Variants in TMCO1 observed in about 807,000 individuals in gnomAD.
TMCO1 encodes calcium load-activated calcium channel.
In TMCO1, 29 loss-of-function variants were observed where a neutral mutation model predicts 29.3. The observed-to-expected ratio is 0.99, with a 90% CI of 0.74 to 1.35. The LOEUF is 1.35. Ranked by LOEUF, TMCO1 falls within the 40% of genes most tolerant of loss-of-function variation. The probability of loss-of-function intolerance (pLI) is 0.00; values close to 1 mark genes in which losing one functional copy is unlikely to be tolerated. For synonymous variants in TMCO1, 80 were observed against 77.1 expected, an observed-to-expected ratio of 1.04 and a Z score of -0.20; for missense variants, 173 against 225.5, an observed-to-expected ratio of 0.77 and a Z score of 1.49.
At chr1:165,764,846 G>C (rs988618475) in intron 2 of TMCO1, among the ~76,000 whole-genome samples, 1 of 152,212 alleles carries the variant, frequency 6.6e-6, no homozygotes, top group Non-Finnish European at 1.5e-5. Flanking sequence ...GGGCAAATTT[G>C]AGTGGCTGCA....
At chr1:165,758,949 T>G (rs1652298862) in intron 3 of TMCO1, among the ~76,000 whole-genome samples, 1 of 152,226 alleles carries the variant, frequency 6.6e-6, no homozygotes. Flanking sequence ...ATTTTTTTCC[T>G]AATTTCAGAA....
chr1:165,728,117 A>C lies in TMCO1; in HGVS notation c.473T>G (p.Ile158Ser). The change falls in exon 7 of 7, where the codon ATT becomes AGT. Residue 158 changes from isoleucine (I) to serine (S), a missense_variant. Physicochemically the swap from Ile to Ser is moderately radical, Grantham distance 142 (BLOSUM62 -2). Coordinates refer to ENST00000367881, the MANE Select transcript of TMCO1 (RefSeq NM_019026.6). ...ILCTMSIRQNIQKILGLAPSR... is the reference protein window; with the variant it reads ...ILCTMSIRQNSQKILGLAPSR... ...AGGGGCAAGGCCGAGAATCTTCTGAATGTTCTGTGAAGAAAGCACAGTAAG... is the reference window on the plus strand; with the variant it reads ...AGGGGCAAGGCCGAGAATCTTCTGACTGTTCTGTGAAGAAAGCACAGTAAG... 6.2e-7 allele frequency: 1 copy of C among 1,606,936 alleles called. No individual in the cohort carries two copies. Among genetic ancestry groups the C allele is most frequent in the Non-Finnish European group, 8.5e-7 (1 of 1,175,452 alleles).
At chr1:165,743,374 AAAG>A in intron 5 of TMCO1, 63 bp from the exon 6 acceptor site, 1 of 1,550,760 alleles carries the variant, frequency 6.4e-7, no homozygotes, top group Non-Finnish European at 8.8e-7. Flanking sequence ...TCTTACTTCC[AAAG>A]AAGAATCTGG....
chr1:165,746,654 C>A (rs947558128), intron 5 of TMCO1, among the ~76,000 whole-genome samples: 1 of 152,114 alleles, frequency 6.6e-6, no homozygotes, highest in African/African-American at 2.4e-5. Flanking sequence ...TTGAAAACCT[C>A]CATTCTTTAA....
intron 6 of TMCO1, among the ~76,000 whole-genome samples, chr1:165,731,119 T>C (rs572993623): frequency 6.6e-6 from 1 of 152,194 alleles, no homozygotes; most frequent in South Asian, 2.1e-4. Flanking sequence ...CAGGATGGTC[T>C]CGATCTCTTG....
chr1:165,766,784 T>TAAAAAATA (rs1553251712), intron 2 of TMCO1, among the ~76,000 whole-genome samples: 29 of 150,302 alleles, frequency 1.9e-4, no homozygotes, highest in Admixed American at 1.6e-3. Context: ...AAATAAAAAA[T>TAAAAAATA]AAAAAAAGGA....
At chr1:165,736,290 C>T (rs1651379159) in intron 6 of TMCO1, among the ~76,000 whole-genome samples, 1 of 152,188 alleles carries the variant, frequency 6.6e-6, no homozygotes, top group African/African-American at 2.4e-5. Flanking sequence ...GGTTAACTGC[C>T]TGCCTATACA....
At chr1:165,736,152 A>G (rs1651369759) in intron 6 of TMCO1, among the ~76,000 whole-genome samples, 1 of 152,222 alleles carries the variant, frequency 6.6e-6, no homozygotes. Context: ...CAGGCAGGAA[A>G]CAGGACCTCA....
At chr1:165,754,195 G>A in intron 4 of TMCO1, 33 bp downstream of exon 4, 1 of 1,569,112 alleles carries the variant, frequency 6.4e-7, no homozygotes, top group Non-Finnish European at 8.8e-7. Context: ...AATATTATGT[G>A]GTTAACCATG....
At position 165,727,893 on chromosome 1, in the gene TMCO1, G is replaced by T; in HGVS notation, c.*130C>A. On this transcript the variant is annotated 3_prime_UTR_variant, in exon 7 of 7. Transcript: ENST00000367881. ...TTTTCACTCTAATCATACCCAAAAG[G>T]CTTAGAAATAATTCAAAACTAGAAA... 1.5e-6 allele frequency: 1 copy of T among 665,788 alleles called. No homozygotes were observed. The highest frequency in any genetic ancestry group is 2.6e-6 in the Non-Finnish European group (1 of 377,450). 41.2% of individuals were successfully genotyped at this position (665,788 alleles called of 1,614,324 possible).
At chr1:165,740,516 G>A (rs1571215883) in intron 6 of TMCO1, among the ~76,000 whole-genome samples, 1 of 152,056 alleles carries the variant, frequency 6.6e-6, no homozygotes, top group African/African-American at 2.4e-5. Flanking sequence ...ATCATATTGT[G>A]TTTTATTAAG....
At position 165,727,978 on chromosome 1, in the gene TMCO1, T is replaced by C. The variant is rs1299717547; in HGVS notation, c.*45A>G. ...CTACAAAACAGTTGCCAGTCTGATGTGTGTGTGTCTAGAAAGAATGATAGA... is the reference window on the plus strand; with the variant it reads ...CTACAAAACAGTTGCCAGTCTGATGCGTGTGTGTCTAGAAAGAATGATAGA... On this transcript the variant is annotated 3_prime_UTR_variant, in exon 7 of 7. Transcript: ENST00000367881. 7.7e-6 allele frequency: 11 copies of C among 1,431,426 alleles called. No individual in the cohort carries two copies. In the East Asian group the frequency reaches 2.7e-4, roughly 35 times the overall value. 88.7% of individuals were successfully genotyped at this position (1,431,426 alleles called of 1,614,324 possible).
chr1:165,768,381 C>A, intron 1 of TMCO1, 112 bp from the exon 2 acceptor site: 1 of 1,485,426 alleles, frequency 6.7e-7, no homozygotes, highest in Non-Finnish European at 9.2e-7. Flanking sequence ...TGTATTTACC[C>A]ATAGTTAACT....
At chr1:165,726,236 CCATT>C, downstream of TMCO1, 3 of 699,660 alleles carry the variant, frequency 4.3e-6, no homozygotes, top group Non-Finnish European at 7.8e-6. Context: ...TCATTACCAT[CCATT>C]ATCAGACATC....
At chr1:165,724,978 TTCTCTCTTTCTCTCTC>T (rs1376734115), downstream of TMCO1, 50 of 409,752 alleles carry the variant, frequency 1.2e-4, no homozygotes, top group African/African-American at 3.0e-4. Flanking sequence ...GTGTTCTTTA[TTCTCTCTTTCTCTCTC>T]TCTCTCTCTC....
chr1:165,724,879 T>C, downstream of TMCO1: 2 of 453,670 alleles, frequency 4.4e-6, no homozygotes, highest in South Asian at 3.1e-5. Flanking sequence ...TTCAAAATAA[T>C]ACAGAAAGGG....
chr1:165,751,833 C>T (rs1652002988), intron 5 of TMCO1, among the ~76,000 whole-genome samples: 1 of 151,622 alleles, frequency 6.6e-6, no homozygotes, highest in Non-Finnish European at 1.5e-5. Flanking sequence ...CAGCCTACAA[C>T]ATACTCTCAA....
chr1:165,745,889 C>T (rs1023839234), intron 5 of TMCO1, among the ~76,000 whole-genome samples: 2 of 151,972 alleles, frequency 1.3e-5, no homozygotes, highest in African/African-American at 2.4e-5. Flanking sequence ...ATATATTATG[C>T]GAACCTCCAC....
chr1:165,764,646 G>A (rs1441052638), intron 2 of TMCO1, among the ~76,000 whole-genome samples: 1 of 152,196 alleles, frequency 6.6e-6, no homozygotes, highest in East Asian at 1.9e-4. Context: ...TGAATGAATA[G>A]AGAATAGGGA....
Sources: gnomAD v4.1 joint callset for allele counts (sites outside exome capture counted in the v4.1 genomes callset) on GRCh38, gnomAD v4.1.1 for gene constraint, MANE v1.5 for transcripts, NCBI Gene and HGNC (gene_info 2026-07-23, HGNC 2026-07-21) for gene names.